Variants in CCDC159 observed in about 807,000 individuals in gnomAD.
The protein encoded by CCDC159 is coiled-coil domain-containing protein 159.
In CCDC159, 40 loss-of-function variants were observed where a neutral mutation model predicts 50.9. The ratio of observed to expected loss-of-function variants is 0.79; its 90% CI spans 0.61 to 1.02. CCDC159 has a LOEUF of 1.02. Among genes scored for constraint, CCDC159 ranks in the 50% least tolerant of loss-of-function variants. The pLI is 0.00. For missense variants in CCDC159, 356 were observed against 371.5 expected, an observed-to-expected ratio of 0.96 and a Z score of 0.34; for synonymous variants, 146 against 138.9, an observed-to-expected ratio of 1.05 and a Z score of -0.36.
Position 11,349,932 on chromosome 19 carries a change from C to T in CCDC159, c.56-6C>T. Reference sequence around the variant, plus strand: ...AGCCCTGGCTCACCCTCTTCTCTGCCCACAGCCAAGACCATTGTGATGATT... The same window carrying T: ...AGCCCTGGCTCACCCTCTTCTCTGCTCACAGCCAAGACCATTGTGATGATT... On this transcript the variant is annotated splice_region_variant and splice_polypyrimidine_tract_variant and intron_variant, in intron 2 of 10. Coordinates refer to ENST00000458408, the MANE Select transcript of CCDC159 (RefSeq NM_001080503.3). The T allele has an allele frequency of 6.2e-7, 1 of 1,613,738 alleles. No homozygotes were observed.
rs1967462465 is a variant in CCDC159, at chr19:11,349,676, C to T, written c.44C>T (p.Ser15Phe). 3 of 1,611,540 alleles carry T rather than the reference C, an allele frequency of 1.9e-6. No homozygotes were observed. The highest frequency in any genetic ancestry group is 2.7e-5 in the African/African-American group (2 of 74,852). The change falls in exon 2 of 11, where the codon TCC (serine) becomes TTC (phenylalanine). Residue 15 changes from serine to phenylalanine, a missense_variant. By Grantham distance (155) the Ser-to-Phe change is radical (BLOSUM62 -2). Transcript: ENST00000458408. ...EQVKPLETSS[S>F]KVKAKTIVMI... ...TAGAAGCCCTTGGAGACCAGCTCTTCCAAAGTCAAAGGTGAGAAATCTCCT... is the reference window on the plus strand; with the variant it reads ...TAGAAGCCCTTGGAGACCAGCTCTTTCAAAGTCAAAGGTGAGAAATCTCCT...
At chr19:11,348,726 C>A in intron 1 of CCDC159, 1 of 479,280 alleles carries the variant, frequency 2.1e-6, no homozygotes, top group African/African-American at 2.0e-5. Context: ...TATCTCAAAG[C>A]AGCCCCTGCT....
rs1967279384 is a variant in CCDC159, at chr19:11,347,072, A to T, written c.21+445A>T. Among the ~76,000 whole-genome samples the T allele has an allele frequency of 1.3e-5, 2 of 152,096 alleles. 1 individual carries two copies. Among genetic ancestry groups the T allele is most frequent in the South Asian group, 4.1e-4 (2 of 4,828 alleles). ...AGGGACAGAGCTAGGATTTGAACCC[A>T]GGCCATCTAGCTGGAGAGTTTCCCT... On this transcript the variant is annotated intron_variant, in intron 1 of 10. Coordinates refer to ENST00000458408, the MANE Select transcript of CCDC159 (RefSeq NM_001080503.3).
Position 11,353,616 on chromosome 19 carries a change from C to A in CCDC159, c.689+44C>A, listed in dbSNP as rs199633237. On this transcript the variant is annotated intron_variant, in intron 8 of 10. Transcript: ENST00000458408. ...TCTGACCCCTGACCCTCCTCTGAACCCGTTCCCCCAACGGGATCTGGCAGT... is the reference window on the plus strand; with the variant it reads ...TCTGACCCCTGACCCTCCTCTGAACACGTTCCCCCAACGGGATCTGGCAGT... The A allele has an allele frequency of 3.1e-6, 5 of 1,604,076 alleles. No homozygotes were observed. In the Admixed American group the frequency reaches 8.4e-5, roughly 27 times the overall value.
chr19:11,347,125 G>A (rs1967284388), intron 1 of CCDC159, among the ~76,000 whole-genome samples: 1 of 151,862 alleles, frequency 6.6e-6, no homozygotes, highest in African/African-American at 2.4e-5. Context: ...TGCTGTCCCT[G>A]GAAGTGAGGA....
chr19:11,354,831 C>G, intron 10 of CCDC159, 42 bp from the exon 11 acceptor site: 1 of 1,612,958 alleles, frequency 6.2e-7, no homozygotes, highest in South Asian at 1.1e-5. Context: ...CCCGGAGTCC[C>G]CTGGACCTGG....
At chr19:11,352,223 G>A in intron 7 of CCDC159, 90 bp downstream of exon 7, 1 of 1,323,056 alleles carries the variant, frequency 7.6e-7, no homozygotes, top group African/African-American at 1.4e-5. Context: ...TGGAGCCTGG[G>A]TTCAAATCTC....
intron 1 of CCDC159, 186 bp from the exon 2 acceptor site, chr19:11,349,468 G>A: frequency 2.9e-6 from 2 of 693,166 alleles, no homozygotes; most frequent in Non-Finnish European, 4.9e-6. Context: ...GTGCACTTCT[G>A]AGCATATGTA....
intron 5 of CCDC159, chr19:11,351,262 C>T (rs1382364507): frequency 4.8e-6 from 2 of 417,336 alleles, no homozygotes; most frequent in Non-Finnish European, 8.7e-6. Flanking sequence ...CATGGTGAAA[C>T]CCCATCTCTA....
chr19:11,353,766 G>C (rs369884820), intron 8 of CCDC159, 26 bp from the exon 9 acceptor site: 10 of 1,575,748 alleles, frequency 6.3e-6, no homozygotes, highest in Non-Finnish European at 8.6e-6. Flanking sequence ...GTCTCCCAGC[G>C]CCCCCAGCTC....
intron 1 of CCDC159, among the ~76,000 whole-genome samples, chr19:11,347,358 T>G (rs1422190557): frequency 6.6e-6 from 1 of 152,162 alleles, no homozygotes; most frequent in Non-Finnish European, 1.5e-5. Flanking sequence ...GAGACGGAGT[T>G]TCGCTCTCGT....
At chr19:11,351,410 CTGGGCGCCT>C (rs749873151) in intron 5 of CCDC159, 246 of 181,534 alleles carry the variant, frequency 1.4e-3, no homozygotes, top group Non-Finnish European at 1.8e-3. Flanking sequence ...GCACTCCAGC[CTGGGCGCCT>C]GGGCGCCTGG....
Position 11,354,864 on chromosome 19 carries a change from T to C in CCDC159, c.890-9T>C. On this transcript the variant is annotated splice_polypyrimidine_tract_variant and intron_variant, in intron 10 of 10. Transcript: ENST00000458408. The stretch of plus-strand genomic sequence containing the variant: ...TGGCCAGGCCCTGACCCACCCTCTC[T>C]CTCCACAGCTTGAGCAGCCGGGACT... The C allele has an allele frequency of 6.2e-7, 1 of 1,612,974 alleles. No individual in the cohort carries two copies. The highest frequency in any genetic ancestry group is 1.1e-5 in the South Asian group (1 of 91,062).
chr19:11,349,748 C>T, intron 2 of CCDC159, 61 bp downstream of exon 2: 1 of 1,380,200 alleles, frequency 7.2e-7, no homozygotes, highest in Non-Finnish European at 1.0e-6. Context: ...CTACCTCTAC[C>T]CTCTGCCCCA....
chr19:11,350,663 T>G (rs1158077839), intron 4 of CCDC159, 145 bp from the exon 5 acceptor site: 2 of 759,932 alleles, frequency 2.6e-6, no homozygotes, highest in Non-Finnish European at 4.1e-6. Context: ...AGAAAAAAAG[T>G]CAGGCTGGAA....
rs117320684 is a variant in CCDC159 at position 11,354,340 on chromosome 19, T to A, written c.773-240T>A. 4.2e-3 allele frequency among the ~76,000 whole-genome samples: 637 copies of A among 151,880 alleles called. 3 individuals carry two copies. Among genetic ancestry groups the A allele is most frequent in the Non-Finnish European group, 7.7e-3 (526 of 67,960 alleles). On this transcript the variant is annotated intron_variant, in intron 9 of 10. Transcript: ENST00000458408. Reference sequence around the variant, plus strand: ...GCGAGGTTGAGGCTGCAGTGAGCCATAATCGTGCCACTGCACTCCAGTCTG... The same window carrying A: ...GCGAGGTTGAGGCTGCAGTGAGCCAAAATCGTGCCACTGCACTCCAGTCTG...
At position 11,354,915 on chromosome 19, in the gene CCDC159, A is replaced by G. The variant is rs767660013; in HGVS notation, c.*38A>G. Reference sequence around the variant, plus strand: ...GCTCTCCCTGAAGACCCCTCCAGAGAGAAAATAAACTAGCCCAGACCCTCC... The same window carrying G: ...GCTCTCCCTGAAGACCCCTCCAGAGGGAAAATAAACTAGCCCAGACCCTCC... On this transcript the variant is annotated 3_prime_UTR_variant, in exon 11 of 11. Coordinates refer to ENST00000458408, the MANE Select transcript of CCDC159 (RefSeq NM_001080503.3). The G allele has an allele frequency of 1.9e-6, 3 of 1,611,480 alleles. No homozygotes were observed. In the South Asian group the frequency reaches 3.3e-5, roughly 18 times the overall value.
At chr19:11,349,422 T>G in intron 1 of CCDC159, 1 of 583,094 alleles carries the variant, frequency 1.7e-6, no homozygotes, top group East Asian at 3.1e-5. Context: ...GTGTCTTCCA[T>G]GGGGATTTGG....
In CCDC159 at chr19:11,351,912, G is replaced by T; in HGVS notation, c.429G>T (p.Lys143Asn). 2 of 1,596,362 alleles carry T rather than the reference G, an allele frequency of 1.3e-6. No homozygotes were observed. Among genetic ancestry groups the T allele is most frequent in the Non-Finnish European group, 1.7e-6 (2 of 1,172,210 alleles). ...GGCTGCACTGTCCCCTCAGCAAGAA[G>T]TTCCTGTGGGAGGAGCTGGAACTGG... ...LLAQEIRDSK[K>N]FLWEELELVR... The change falls in exon 6 of 11, where the codon AAG becomes AAT. Residue 143 changes from lysine to asparagine, a missense_variant. Lys to Asn is a moderately conservative substitution (Grantham distance 94). Coordinates refer to ENST00000458408, the MANE Select transcript of CCDC159 (RefSeq NM_001080503.3).
Sources: allele counts gnomAD v4.1 joint callset (sites outside exome capture counted in the v4.1 genomes callset), GRCh38; gene constraint gnomAD v4.1.1; transcripts MANE v1.5; gene names NCBI Gene and HGNC (gene_info 2026-07-23, HGNC 2026-07-21).